The following GOLPH3 variants were observed in gnomAD, a reference collection of about 807,000 sequenced individuals.
GOLPH3 encodes the protein golgi phosphoprotein 3, also known as coat protein GPP34.
A neutral mutation model predicts 28.5 loss-of-function variants in GOLPH3; 14 were observed. The ratio of observed to expected loss-of-function variants is 0.49; its 90% CI spans 0.32 to 0.77. The LOEUF (loss-of-function observed/expected upper bound fraction) is 0.77. Ranked by LOEUF, GOLPH3 falls within the 30% of genes least tolerant of loss-of-function variation. The pLI, the probability that GOLPH3 is intolerant of heterozygous loss-of-function variation, is 0.03. For synonymous variants in GOLPH3, 158 were observed against 159.2 expected (o/e 0.99, Z 0.06); for missense variants, 350 against 393.7 (o/e 0.89, Z 0.94).
chr5:32,144,619 A>C (rs967366177), intron 1 of GOLPH3, among the ~76,000 whole-genome samples: 1 of 152,242 alleles, frequency 6.6e-6, no homozygotes, highest in Non-Finnish European at 1.5e-5. Context: ...TTTTGTAAGA[A>C]GATATTAGAA....
intron 2 of GOLPH3, among the ~76,000 whole-genome samples, chr5:32,142,348 T>A (rs1303332256): frequency 6.9e-6 from 1 of 145,482 alleles, no homozygotes; most frequent in African/African-American, 2.6e-5. Context: ...GTCTGAGAAG[T>A]GAGGAGCCCC....
chr5:32,143,950 ATAT>A, intron 1 of GOLPH3, 70 bp from the exon 2 acceptor site: 1 of 1,074,710 alleles, frequency 9.3e-7, no homozygotes, highest in East Asian at 2.9e-5. Context: ...AAAAACAGAA[ATAT>A]TATCAGCCAA....
Position 32,135,568 on chromosome 5 carries a change from T to C in GOLPH3, c.472+4A>G, listed in dbSNP as rs1187793445. ...TGGTTTTTGGTTTATTCACAGCAGC[T>C]TACCACTAAGTAATTCAATCCAGTT... On this transcript the variant is annotated splice_donor_region_variant and intron_variant, in intron 3 of 3. Transcript: ENST00000265070. 1 of 1,573,010 alleles carries C rather than the reference T, an allele frequency of 6.4e-7. No individual in the cohort carries two copies. Among genetic ancestry groups the C allele is most frequent in the East Asian group, 2.2e-5 (1 of 44,724 alleles).
At chr5:32,164,010 C>G (rs753943385) in intron 1 of GOLPH3, among the ~76,000 whole-genome samples, 11 of 152,110 alleles carry the variant, frequency 7.2e-5, no homozygotes, top group Non-Finnish European at 1.5e-4. Context: ...TAATCTGTCC[C>G]AGAAGGTAGT....
In GOLPH3 at chr5:32,126,047, A is replaced by G; in HGVS notation, c.*165T>C. 1.5e-6 allele frequency: 1 copy of G among 652,038 alleles called. No homozygotes were observed. Among genetic ancestry groups the G allele is most frequent in the East Asian group, 2.7e-5 (1 of 37,018 alleles). The allele number at this position is 652,038 out of a possible 1,614,324, so 40.4% of individuals were successfully genotyped here. The stretch of plus-strand genomic sequence containing the variant: ...CAGAAAGAGGAAGGCCTCTCGTACC[A>G]GCAGAATCCTGTACACGTACAAAAA... On this transcript the variant is annotated 3_prime_UTR_variant, in exon 4 of 4. Coordinates refer to ENST00000265070, the MANE Select transcript of GOLPH3 (RefSeq NM_022130.4).
At position 32,153,258 on chromosome 5, in the gene GOLPH3, A is replaced by G. The variant is rs137978504; in HGVS notation, c.226-9378T>C. Among the ~76,000 whole-genome samples the G allele has an allele frequency of 2.1e-3, 314 of 152,346 alleles. 2 individuals carry two copies. The Middle Eastern group carries it at 0.024, about 12-fold the overall frequency. ...TACCTTGTATATGAAGGAGAGGAGC[A>G]ATGATATGAATATACGTATAGTTTT... On this transcript the variant is annotated intron_variant, in intron 1 of 3. Transcript: ENST00000265070.
Position 32,174,176 on chromosome 5 carries a change from G to T in GOLPH3, c.-142C>A, listed in dbSNP as rs999449454. ...GACGTCCGTCGGCAGCAGGGCCGGGGGCAGTCATGAGGAAACAGGTCAGGG... is the reference window on the plus strand; with the variant it reads ...GACGTCCGTCGGCAGCAGGGCCGGGTGCAGTCATGAGGAAACAGGTCAGGG... On this transcript the variant is annotated 5_prime_UTR_variant, in exon 1 of 4. Transcript: ENST00000265070. The T allele has an allele frequency of 4.2e-6, 2 of 476,332 alleles. No homozygotes were observed. The highest frequency in any genetic ancestry group is 1.9e-4 in the South Asian group (2 of 10,460). The allele number at this position is 476,332 out of a possible 1,614,324, so 29.5% of individuals were successfully genotyped here.
intron 1 of GOLPH3, among the ~76,000 whole-genome samples, chr5:32,160,458 G>C (rs1746547682): frequency 6.6e-6 from 1 of 152,146 alleles, no homozygotes; most frequent in African/African-American, 2.4e-5. Flanking sequence ...AGGTGATAAA[G>C]ATGACTAATA....
chr5:32,133,948 T>A (rs982867322), intron 3 of GOLPH3, among the ~76,000 whole-genome samples: 1 of 152,100 alleles, frequency 6.6e-6, no homozygotes, highest in African/African-American at 2.4e-5. Flanking sequence ...CCAACAAAAA[T>A]GCAAATTTAT....
rs146535302 is a variant in GOLPH3, at chr5:32,145,791, C to T, written c.226-1911G>A. Among the ~76,000 whole-genome samples the T allele has an allele frequency of 3.0e-4, 46 of 152,248 alleles. No homozygotes were observed. In the East Asian group the frequency reaches 8.1e-3, roughly 27 times the overall value. On this transcript the variant is annotated intron_variant, in intron 1 of 3. Transcript: ENST00000265070. ...TTTAGTGAATGGCTTTAGGCATCATCGCTGAAAGACACATGCTTAAACAGA... is the reference window on the plus strand; with the variant it reads ...TTTAGTGAATGGCTTTAGGCATCATTGCTGAAAGACACATGCTTAAACAGA...
chr5:32,172,880 T>C (rs956177745), intron 1 of GOLPH3, among the ~76,000 whole-genome samples: 11 of 152,208 alleles, frequency 7.2e-5, no homozygotes, highest in African/African-American at 2.4e-4. Context: ...TAAATAATCA[T>C]TTTTGTAGGC....
chr5:32,172,343 T>C (rs1458870468), intron 1 of GOLPH3, among the ~76,000 whole-genome samples: 1 of 152,010 alleles, frequency 6.6e-6, no homozygotes, highest in Admixed American at 6.6e-5. Context: ...CAAGAAAGAT[T>C]ACGTTGTTTT....
At chr5:32,145,555 A>G (rs1746167346) in intron 1 of GOLPH3, among the ~76,000 whole-genome samples, 1 of 152,220 alleles carries the variant, frequency 6.6e-6, no homozygotes, top group Non-Finnish European at 1.5e-5. Context: ...ATGAGCCTCT[A>G]CAAACTGTAA....
chr5:32,170,709 CG>C (rs1265845607), intron 1 of GOLPH3, among the ~76,000 whole-genome samples: 2 of 151,804 alleles, frequency 1.3e-5, no homozygotes, highest in African/African-American at 4.8e-5. Flanking sequence ...CTACTCAGGG[CG>C]GATCACTTGA....
intron 3 of GOLPH3, among the ~76,000 whole-genome samples, chr5:32,132,910 T>C (rs772434383): frequency 1.3e-5 from 2 of 152,204 alleles, no homozygotes; most frequent in African/African-American, 2.4e-5. Context: ...TTAAAAAAAG[T>C]CCTTTTTCCT....
At chr5:32,167,553 T>C (rs566245909) in intron 1 of GOLPH3, among the ~76,000 whole-genome samples, 1 of 152,280 alleles carries the variant, frequency 6.6e-6, no homozygotes, top group East Asian at 1.9e-4. Context: ...ATATCAAATA[T>C]TAGTATAACT....
At chr5:32,166,740 G>A (rs796831231) in intron 1 of GOLPH3, among the ~76,000 whole-genome samples, 24 of 151,904 alleles carry the variant, frequency 1.6e-4, no homozygotes, top group African/African-American at 5.1e-4. Context: ...CCCAGGAGGC[G>A]GAGTTGCAGT....
chr5:32,139,030 G>A (rs1043156668), intron 2 of GOLPH3, among the ~76,000 whole-genome samples: 3 of 152,178 alleles, frequency 2.0e-5, no homozygotes, highest in African/African-American at 7.2e-5. Flanking sequence ...CGTTTGCAAC[G>A]GATCTTATGT....
chr5:32,143,987 T>C, intron 1 of GOLPH3, 107 bp from the exon 2 acceptor site: 1 of 631,492 alleles, frequency 1.6e-6, no homozygotes, highest in Middle Eastern at 3.7e-4. Flanking sequence ...GCCTTTTACC[T>C]TTCCTGTCTT....
Sources: gnomAD v4.1 joint callset for allele counts (sites outside exome capture counted in the v4.1 genomes callset) on GRCh38, gnomAD v4.1.1 for gene constraint, MANE v1.5 for transcripts, NCBI Gene and HGNC (gene_info 2026-07-23, HGNC 2026-07-21) for gene names.